The following PALD1 variants were observed in gnomAD, a reference collection of about 807,000 sequenced individuals.
The protein encoded by PALD1 is paladin.
Under a neutral mutation model 96.0 loss-of-function variants are expected in PALD1, and 57 were observed. The observed-to-expected ratio is 0.59, with a 90% CI of 0.48 to 0.74. The LOEUF is 0.74. Among genes scored for constraint, PALD1 ranks in the 30% least tolerant of loss-of-function variants. The pLI, the probability that PALD1 is intolerant of heterozygous loss-of-function variation, is 0.00. For missense variants in PALD1, 1,063 were observed against 1,143.7 expected (o/e 0.93, Z 1.02); for synonymous variants, 464 against 473.6 (o/e 0.98, Z 0.26).
Position 70,529,243 on chromosome 10 carries a change from A to G in PALD1, c.200A>G (p.Glu67Gly). ...CCCCCCCCCAGGTACAACTGCAAGGAGGAGTTCCAGATCCATGATGAGCTG... is the reference window on the plus strand; with the variant it reads ...CCCCCCCCCAGGTACAACTGCAAGGGGGAGTTCCAGATCCATGATGAGCTG... ...APVVITYNCKEEFQIHDELLK... is the reference protein window; with the variant it reads ...APVVITYNCKGEFQIHDELLK... Residue 67 changes from glutamate to glycine, a missense_variant, in exon 3 of 20, where the codon GAG (glutamate) becomes GGG (glycine). Transcript: ENST00000263563. 1 of 741,818 alleles carries G rather than the reference A, an allele frequency of 1.3e-6. No individual in the cohort carries two copies. Among genetic ancestry groups the G allele is most frequent in the Non-Finnish European group, 2.1e-6 (1 of 480,194 alleles). The allele number at this position is 741,818 out of a possible 1,614,324, so 46.0% of individuals were successfully genotyped here.
intron 17 of PALD1, among the ~76,000 whole-genome samples, chr10:70,546,295 T>C (rs1312211471): frequency 6.6e-6 from 1 of 152,164 alleles, no homozygotes; most frequent in Non-Finnish European, 1.5e-5. Context: ...TAACATTCCA[T>C]GGGTGCATTG....
At chr10:70,504,880 G>A (rs1846356227) in intron 1 of PALD1, among the ~76,000 whole-genome samples, 1 of 152,214 alleles carries the variant, frequency 6.6e-6, no homozygotes, top group Non-Finnish European at 1.5e-5. Flanking sequence ...AATTTGACAG[G>A]TGGTTGATTC....
chr10:70,542,981 C>A (rs1389580615), intron 17 of PALD1, among the ~76,000 whole-genome samples: 3 of 151,678 alleles, frequency 2.0e-5, no homozygotes. Flanking sequence ...CCGTGTTGGC[C>A]AGGCTGGTCT....
intron 1 of PALD1, among the ~76,000 whole-genome samples, chr10:70,508,403 G>T (rs1342165976): frequency 6.6e-6 from 1 of 152,200 alleles, no homozygotes; most frequent in Non-Finnish European, 1.5e-5. Context: ...GGAGTTTAGG[G>T]CATGGGAGTT....
At chr10:70,488,518 G>T (rs774433562) in intron 1 of PALD1, among the ~76,000 whole-genome samples, 5 of 152,188 alleles carry the variant, frequency 3.3e-5, no homozygotes, top group African/African-American at 4.8e-5. Flanking sequence ...GTCCCCGTAG[G>T]TAACACTGTC....
intron 1 of PALD1, among the ~76,000 whole-genome samples, chr10:70,481,110 C>G (rs1209183092): frequency 6.6e-6 from 1 of 152,202 alleles, no homozygotes; most frequent in East Asian, 1.9e-4. Context: ...CAGCAGAGCA[C>G]AGACGGGGAT....
chr10:70,517,363 A>G (rs1846641594), intron 1 of PALD1, among the ~76,000 whole-genome samples: 2 of 141,990 alleles, frequency 1.4e-5, no homozygotes, highest in Non-Finnish European at 3.0e-5. Flanking sequence ...TTTTTTTGAG[A>G]TGGAGTCTTG....
intron 5 of PALD1, among the ~76,000 whole-genome samples, chr10:70,532,413 C>G (rs1847010744): frequency 6.6e-6 from 1 of 152,248 alleles, no homozygotes; most frequent in Non-Finnish European, 1.5e-5. Context: ...CAGAGCCCTC[C>G]TGCCTTGCCC....
chr10:70,460,181 C>T, the PALD1 span, among the ~76,000 whole-genome samples: 3 of 152,190 alleles, frequency 2.0e-5, no homozygotes, highest in Admixed American at 2.0e-4. Flanking sequence ...AGCCTCTTCC[C>T]CCTGCCCCAG....
chr10:70,513,928 C>T (rs888447801), intron 1 of PALD1, among the ~76,000 whole-genome samples: 20 of 152,188 alleles, frequency 1.3e-4, no homozygotes, highest in African/African-American at 4.8e-4. Flanking sequence ...CTGCTGGCTG[C>T]GGGGCAGGCT....
intron 1 of PALD1, among the ~76,000 whole-genome samples, chr10:70,513,100 G>A (rs1564691927): frequency 6.6e-6 from 1 of 152,198 alleles, no homozygotes; most frequent in Non-Finnish European, 1.5e-5. Context: ...GGAATCCATG[G>A]AGCACTTCTC....
chr10:70,496,936 C>T (rs1346078279), intron 1 of PALD1, among the ~76,000 whole-genome samples: 3 of 152,182 alleles, frequency 2.0e-5, no homozygotes, highest in Non-Finnish European at 4.4e-5. Flanking sequence ...TTAACAACCT[C>T]CCACTCCCAG....
the PALD1 span, among the ~76,000 whole-genome samples, chr10:70,472,960 A>C: frequency 6.6e-6 from 1 of 152,230 alleles, no homozygotes; most frequent in Non-Finnish European, 1.5e-5. Context: ...TCGTCAAGGT[A>C]GGTATGACTA....
intron 17 of PALD1, among the ~76,000 whole-genome samples, chr10:70,543,222 C>T (rs1564705625): frequency 6.6e-6 from 1 of 152,030 alleles, no homozygotes; most frequent in Non-Finnish European, 1.5e-5. Context: ...TGTTCAAGTC[C>T]TTTGTCCATT....
chr10:70,547,204 C>A, intron 17 of PALD1, 102 bp from the exon 18 acceptor site: 3 of 1,037,292 alleles, frequency 2.9e-6, no homozygotes, highest in Admixed American at 1.7e-5. Flanking sequence ...AGCGCCTGGG[C>A]CTTAGGCCTG....
the PALD1 span, among the ~76,000 whole-genome samples, chr10:70,467,381 C>T: frequency 2.0e-5 from 3 of 148,498 alleles, no homozygotes; most frequent in Admixed American, 6.7e-5. Context: ...GGAGGAGGTA[C>T]CTGTGCTCTG....
intron 10 of PALD1, among the ~76,000 whole-genome samples, chr10:70,536,055 A>G (rs560143527): frequency 1.1e-4 from 17 of 152,304 alleles, no homozygotes; most frequent in African/African-American, 4.1e-4. Flanking sequence ...GGATCACTTG[A>G]AATCAGGAGT....
the PALD1 span, among the ~76,000 whole-genome samples, chr10:70,473,233 C>T: frequency 1.3e-5 from 2 of 152,218 alleles, no homozygotes; most frequent in African/African-American, 2.4e-5. Context: ...GGCCCCACCC[C>T]GACTCTGCAG....
rs2132455695 is a variant in PALD1, at chr10:70,566,576, C to T, written c.2419-5C>T. ...ACACTGCTCCTGCCTCTGCTCTCCT[C>T]CCAGGTGGCATCGAAGGCTGGCATC... is the stretch of plus-strand genomic sequence containing the variant. On this transcript the variant is annotated splice_region_variant and splice_polypyrimidine_tract_variant and intron_variant, in intron 19 of 19. Transcript: ENST00000263563. The T allele has an allele frequency of 6.2e-7, 1 of 1,604,970 alleles. No homozygotes were observed. The highest frequency in any genetic ancestry group is 1.3e-5 in the African/African-American group (1 of 74,878).
Sources: allele counts gnomAD v4.1 joint callset (sites outside exome capture counted in the v4.1 genomes callset), GRCh38; gene constraint gnomAD v4.1.1; transcripts MANE v1.5; gene names NCBI Gene and HGNC (gene_info 2026-07-23, HGNC 2026-07-21).